The following ADAMTS16 variants were observed in gnomAD, a reference collection of about 807,000 sequenced individuals.
ADAMTS16 encodes ADAM metallopeptidase with thrombospondin type 1 motif 16, also known as A disintegrin and metalloproteinase with thrombospondin motifs 16.
ADAMTS16 carries 94 observed loss-of-function variants against 145.8 expected under a neutral mutation model. The ratio of observed to expected loss-of-function variants is 0.64; its 90% CI spans 0.55 to 0.77. ADAMTS16 has a LOEUF of 0.77. Ranked by LOEUF, ADAMTS16 falls within the 30% of genes least tolerant of loss-of-function variation. The pLI is 0.00. For synonymous variants in ADAMTS16, 659 were observed against 604.3 expected, an observed-to-expected ratio of 1.09 and a Z score of -1.33; for missense variants, 1,585 against 1,591.5, an observed-to-expected ratio of 1.00 and a Z score of 0.07.
chr5:5,182,452 G>A (rs1735368953), intron 4 of ADAMTS16, 147 bp downstream of exon 4: 7 of 1,045,784 alleles, frequency 6.7e-6, no homozygotes, highest in Admixed American at 2.8e-5. Flanking sequence ...TGATTCCAGA[G>A]AGAGTCCCTT....
intron 18 of ADAMTS16, among the ~76,000 whole-genome samples, chr5:5,271,886 C>G (rs1212205370): frequency 6.6e-6 from 1 of 152,134 alleles, no homozygotes; most frequent in East Asian, 1.9e-4. Context: ...TTATACAAAC[C>G]CATTAGTGGA....
At chr5:5,191,262 G>A (rs947859845) in intron 7 of ADAMTS16, among the ~76,000 whole-genome samples, 59 of 152,150 alleles carry the variant, frequency 3.9e-4, no homozygotes, top group African/African-American at 1.4e-3. Flanking sequence ...ATTAAAGCTG[G>A]GGGTGGTCTT....
rs112720672 is a variant in ADAMTS16 at position 5,291,701 on chromosome 5, C to T, written c.2790-11567C>T. 5.1e-3 allele frequency among the ~76,000 whole-genome samples: 749 copies of T among 145,456 alleles called. 9 individuals are homozygous for T. The highest frequency in any genetic ancestry group is 0.018 in the African/African-American group (718 of 39,508). ...GCCTTAGACACAGAAAGGCTGTCCT[C>T]GGGCAGTCAGCCAGCCAGGGTCATG... On this transcript the variant is annotated intron_variant, in intron 18 of 22. Transcript: ENST00000274181.
At chr5:5,214,751 C>A (rs1234091517) in intron 10 of ADAMTS16, among the ~76,000 whole-genome samples, 2 of 152,130 alleles carry the variant, frequency 1.3e-5, no homozygotes, top group Non-Finnish European at 2.9e-5. Context: ...GCCAGTATCT[C>A]TCAGACACCA....
intron 14 of ADAMTS16, among the ~76,000 whole-genome samples, 194 bp downstream of exon 14, chr5:5,237,293 A>C (rs1737137333): frequency 6.6e-6 from 1 of 152,108 alleles, no homozygotes; most frequent in Non-Finnish European, 1.5e-5. Context: ...TGCAGAGCAT[A>C]AGGAGAGGGA....
At chr5:5,204,536 T>C (rs1736041329) in intron 9 of ADAMTS16, among the ~76,000 whole-genome samples, 1 of 152,242 alleles carries the variant, frequency 6.6e-6, no homozygotes, top group African/African-American at 2.4e-5. Flanking sequence ...GAACCCTGTG[T>C]ATTGGAATCA....
intron 17 of ADAMTS16, among the ~76,000 whole-genome samples, chr5:5,247,598 T>A (rs1313072344): frequency 6.6e-6 from 1 of 152,158 alleles, no homozygotes; most frequent in African/African-American, 2.4e-5. Context: ...TCATCAGGGG[T>A]GCCGGGGTCC....
rs375765082 is a variant in ADAMTS16 at position 5,318,139 on chromosome 5, G to A, written c.3417G>A (p.Thr1139=). The A allele has an allele frequency of 6.1e-5, 90 of 1,468,392 alleles. No individual in the cohort carries two copies. Among genetic ancestry groups the A allele is most frequent in the Non-Finnish European group, 7.3e-5 (80 of 1,102,860 alleles). 91.0% of individuals were successfully genotyped at this position (1,468,392 alleles called of 1,614,324 possible). ...TGTGTGTGTTGCTCTCACAGTGCACGGCCAGCTGTGGGGGAGGCGTTCAGA... is the reference window on the plus strand; with the variant it reads ...TGTGTGTGTTGCTCTCACAGTGCACAGCCAGCTGTGGGGGAGGCGTTCAGA... ...SWFASPWSQC[T]ASCGGGVQTR... Residue 1139 remains threonine, a synonymous_variant, in exon 22 of 23, where the codon ACG becomes ACA. Transcript: ENST00000274181.
intron 14 of ADAMTS16, among the ~76,000 whole-genome samples, chr5:5,237,716 T>C (rs553423647): frequency 6.6e-6 from 1 of 152,196 alleles, no homozygotes; most frequent in East Asian, 1.9e-4. Flanking sequence ...CTGGGCCACT[T>C]CGCAGCTCGG....
rs201662436 is a variant in ADAMTS16, at chr5:5,306,517, G to A, written c.3200G>A (p.Cys1067Tyr). The A allele has an allele frequency of 8.7e-6, 14 of 1,613,316 alleles. No homozygotes were observed. The highest frequency in any genetic ancestry group is 8.5e-7 in the Non-Finnish European group (1 of 1,179,302). ...TCTTCTTTTTAGTGCTCTGTGACAT[G>A]TGAAAGAGGAACACAGAAAAGATTC... ...VSAWSQCSVT[C>Y]ERGTQKRFLK... is the part of the protein sequence containing the mutation. The change falls in exon 21 of 23, where the codon TGT becomes TAT. Residue 1067 changes from cysteine to tyrosine, a missense_variant. This residue lies in a region of ADAMTS16 where 834 missense variants were observed against 811.7 expected (regional missense o/e 1.03). Transcript: ENST00000274181.
intron 9 of ADAMTS16, among the ~76,000 whole-genome samples, chr5:5,203,137 T>C (rs926119944): frequency 6.6e-6 from 1 of 152,236 alleles, no homozygotes; most frequent in African/African-American, 2.4e-5. Flanking sequence ...TTTGACCACA[T>C]GAGTATAAAT....
At chr5:5,267,959 C>A (rs1394978324) in intron 18 of ADAMTS16, among the ~76,000 whole-genome samples, 1 of 152,250 alleles carries the variant, frequency 6.6e-6, no homozygotes, top group African/African-American at 2.4e-5. Flanking sequence ...AATAGGTGTT[C>A]GTAGGAGACA....
At chr5:5,227,887 C>A (rs145382288) in intron 11 of ADAMTS16, among the ~76,000 whole-genome samples, 2 of 152,034 alleles carry the variant, frequency 1.3e-5, no homozygotes, top group African/African-American at 4.8e-5. Flanking sequence ...GATAAACACC[C>A]CATGGAATAT....
At chr5:5,316,726 C>T (rs1579424396) in intron 21 of ADAMTS16, among the ~76,000 whole-genome samples, 1 of 152,198 alleles carries the variant, frequency 6.6e-6, no homozygotes, top group East Asian at 1.9e-4. Context: ...CAGCAGCTGG[C>T]AGTGCCCACC....
At chr5:5,248,150 A>G (rs768603902) in intron 17 of ADAMTS16, among the ~76,000 whole-genome samples, 52 of 152,070 alleles carry the variant, frequency 3.4e-4, no homozygotes, top group Middle Eastern at 3.4e-3. Flanking sequence ...AATTCGTTTG[A>G]TTTTTTTTCT....
chr5:5,202,503 A>G (rs567721106), intron 9 of ADAMTS16, among the ~76,000 whole-genome samples: 14 of 152,132 alleles, frequency 9.2e-5, no homozygotes, highest in African/African-American at 3.1e-4. Context: ...GGGGATTGTT[A>G]GCATTGTTTT....
chr5:5,151,370 C>T (rs897051216), intron 3 of ADAMTS16, among the ~76,000 whole-genome samples: 4 of 151,848 alleles, frequency 2.6e-5, no homozygotes, highest in Non-Finnish European at 4.4e-5. Context: ...TCCCGAGTAC[C>T]TGGGATTGCA....
At chr5:5,275,542 TG>T (rs1215985893) in intron 18 of ADAMTS16, among the ~76,000 whole-genome samples, 3 of 152,332 alleles carry the variant, frequency 2.0e-5, no homozygotes, top group Admixed American at 6.5e-5. Flanking sequence ...TATGATTGAT[TG>T]TTTTTCCATT....
intron 18 of ADAMTS16, among the ~76,000 whole-genome samples, chr5:5,274,840 T>G (rs971458051): frequency 1.9e-4 from 29 of 152,206 alleles, no homozygotes; most frequent in Admixed American, 1.9e-3. Flanking sequence ...ACTTAGCTGG[T>G]TATTTAGGTT....
Sources: gnomAD v4.1 joint callset for allele counts (sites outside exome capture counted in the v4.1 genomes callset) on GRCh38, gnomAD v4.1.1 for gene constraint, gnomAD v4.1.1 regional missense constraint, MANE v1.5 for transcripts, NCBI Gene and HGNC (gene_info 2026-07-23, HGNC 2026-07-21) for gene names.